PTPRQ: variants seen among roughly 807,000 people sequenced by gnomAD.
The protein encoded by PTPRQ is protein tyrosine phosphatase receptor type Q, also known as phosphatidylinositol phosphatase PTPRQ.
PTPRQ carries 199 observed loss-of-function variants against 246.0 expected under a neutral mutation model. That is an observed-to-expected ratio of 0.81 (90% CI 0.72 to 0.91). The LOEUF (loss-of-function observed/expected upper bound fraction) is 0.91. Ranked by LOEUF, PTPRQ falls within the 40% of genes least tolerant of loss-of-function variation. The probability of loss-of-function intolerance (pLI) is 0.00; values close to 1 mark genes in which losing one functional copy is unlikely to be tolerated. For synonymous variants in PTPRQ, 869 were observed against 853.2 expected (o/e 1.02, Z -0.32); for missense variants, 2,624 against 2,528.4 (o/e 1.04, Z -0.81).
At chr12:80,506,737 T>C (rs913119374) in intron 16 of PTPRQ, 67 bp downstream of exon 16, 2 of 1,407,864 alleles carry the variant, frequency 1.4e-6, no homozygotes, top group South Asian at 1.4e-5. Context: ...ACGTATAGAA[T>C]GAAACAATGT....
chr12:80,613,974 T>C, intron 29 of PTPRQ, 138 bp downstream of exon 29: 1 of 1,117,552 alleles, frequency 8.9e-7, no homozygotes, highest in East Asian at 3.1e-5. Context: ...TCAACAAAAA[T>C]AAATTTTGAG....
intron 6 of PTPRQ, among the ~76,000 whole-genome samples, chr12:80,468,019 T>G (rs1893495531): frequency 6.6e-6 from 1 of 151,796 alleles, no homozygotes. Context: ...ATAATAAAAT[T>G]TTTAAAACAA....
rs1356349262 is a variant in PTPRQ, at chr12:80,445,563, C to A, written c.236C>A (p.Pro79Gln). Residue 79 changes from proline (P) to glutamine (Q), a missense_variant, in exon 3 of 45, where the codon CCA (proline) becomes CAA (glutamine). By Grantham distance (76) the Pro-to-Gln change is moderately conservative (BLOSUM62 -1). Coordinates refer to ENST00000644991, the MANE Select transcript of PTPRQ (RefSeq NM_001145026.2). ...GGGATTCTTCTGTCTTGGAATACAC[C>A]ACCTAATCCAAATGGAAGGATTATA... is the stretch of plus-strand genomic sequence containing the variant. ...SAGILLSWNT[P>Q]PNPNGRIISY... 6.5e-7 allele frequency: 1 copy of A among 1,549,120 alleles called. No individual in the cohort carries two copies. The highest frequency in any genetic ancestry group is 8.7e-7 in the Non-Finnish European group (1 of 1,145,206).
intron 7 of PTPRQ, among the ~76,000 whole-genome samples, chr12:80,469,214 G>A (rs1893545549): frequency 6.6e-6 from 1 of 152,154 alleles, no homozygotes; most frequent in Non-Finnish European, 1.5e-5. Context: ...ACTGCTAGGA[G>A]CCTAGTTTTT....
intron 2 of PTPRQ, 134 bp downstream of exon 2, chr12:80,444,983 C>CA (rs1892509573): frequency 9.6e-7 from 1 of 1,040,800 alleles, no homozygotes; most frequent in Admixed American, 3.5e-5. Context: ...AAAATGGAAA[C>CA]AAGAAAGTGA....
chr12:80,444,993 A>T, intron 2 of PTPRQ, 144 bp downstream of exon 2: 1 of 950,974 alleles, frequency 1.1e-6, no homozygotes. Flanking sequence ...CAAGAAAGTG[A>T]TCTGCTTAGA....
rs1307079190 is a variant in PTPRQ, at chr12:80,679,248, T to C, written c.*225T>C. On this transcript the variant is annotated 3_prime_UTR_variant, in exon 45 of 45. Coordinates refer to ENST00000644991, the MANE Select transcript of PTPRQ (RefSeq NM_001145026.2). ...AATAAATATTATGCATTTTAAATGC[T>C]TAAGAAAAGACATCCCATATGTTTT... The C allele has an allele frequency of 2.4e-6, 1 of 416,158 alleles. No individual in the cohort carries two copies. The highest frequency in any genetic ancestry group is 2.1e-5 in the African/African-American group (1 of 48,736). The allele number at this position is 416,158 out of a possible 1,614,324, so 25.8% of individuals were successfully genotyped here.
intron 26 of PTPRQ, among the ~76,000 whole-genome samples, chr12:80,595,465 C>A (rs977154788): frequency 2.0e-4 from 30 of 152,002 alleles, no homozygotes; most frequent in African/African-American, 6.5e-4. Flanking sequence ...GCTTGTCTTT[C>A]AAATGCTTGC....
intron 3 of PTPRQ, among the ~76,000 whole-genome samples, chr12:80,451,155 T>C (rs563838258): frequency 6.6e-6 from 1 of 152,292 alleles, no homozygotes; most frequent in African/African-American, 2.4e-5. Flanking sequence ...GATTTTCTAG[T>C]TTATTTGCAT....
intron 38 of PTPRQ, among the ~76,000 whole-genome samples, chr12:80,656,132 A>C (rs1044247735): frequency 1.3e-5 from 2 of 152,136 alleles, no homozygotes; most frequent in African/African-American, 4.8e-5. Flanking sequence ...AGATCATATA[A>C]AATTCTATAT....
intron 17 of PTPRQ, chr12:80,525,839 G>A (rs376775714): frequency 3.2e-4 from 48 of 151,998 alleles, no homozygotes; most frequent in South Asian, 2.1e-3. Context: ...ATTATAATAC[G>A]TACTTGACCT....
At chr12:80,509,518 T>C (rs749136897) in intron 16 of PTPRQ, among the ~76,000 whole-genome samples, 1 of 152,108 alleles carries the variant, frequency 6.6e-6, no homozygotes, top group African/African-American at 2.4e-5. Context: ...TTTCCTTTTT[T>C]ACATGTAAAA....
chr12:80,549,320 A>G lies in PTPRQ; in HGVS notation c.4016-145A>G. Reference sequence around the variant, plus strand: ...CCTTTTGATTCTGTCTATGTTAATGACTTTTTAAGCACACATTGAAAATTT... The same window carrying G: ...CCTTTTGATTCTGTCTATGTTAATGGCTTTTTAAGCACACATTGAAAATTT... On this transcript the variant is annotated intron_variant, in intron 24 of 44. Coordinates refer to ENST00000644991, the MANE Select transcript of PTPRQ (RefSeq NM_001145026.2). 3.0e-6 allele frequency: 3 copies of G among 1,007,718 alleles called. No individual in the cohort carries two copies. In the South Asian group the frequency reaches 6.0e-5, roughly 20 times the overall value. The allele number at this position is 1,007,718 out of a possible 1,614,324, so 62.4% of individuals were successfully genotyped here. A position where few individuals can be genotyped will look rare whatever the true frequency, so the allele number is the denominator to read the frequency against.
chr12:80,622,587 G>A (rs1000461410), intron 33 of PTPRQ, among the ~76,000 whole-genome samples: 2 of 152,010 alleles, frequency 1.3e-5, no homozygotes, highest in African/African-American at 4.8e-5. Context: ...AAGCCCTAAT[G>A]TTGACTCCAT....
Position 80,669,238 on chromosome 12 carries a change from G to T in PTPRQ, c.6327+97G>T, listed in dbSNP as rs76070492. 4.2e-3 allele frequency: 6,340 copies of T among 1,527,354 alleles called. 232 individuals are homozygous for T. The African/African-American group carries it at 0.08, about 19-fold the overall frequency. 94.6% of individuals were successfully genotyped at this position (1,527,354 alleles called of 1,614,324 possible). On this transcript the variant is annotated intron_variant, in intron 40 of 44. Coordinates refer to ENST00000644991, the MANE Select transcript of PTPRQ (RefSeq NM_001145026.2). ...AATACTGTGAGTCATCAATAACCTG[G>T]ACATCTATAAAGTAATTTTAACTTA...
chr12:80,574,549 C>A (rs1214507964), intron 25 of PTPRQ, among the ~76,000 whole-genome samples: 2 of 151,532 alleles, frequency 1.3e-5, no homozygotes, highest in Admixed American at 6.6e-5. Flanking sequence ...TATTTTAATT[C>A]TTCTATTTGA....
intron 17 of PTPRQ, among the ~76,000 whole-genome samples, chr12:80,518,961 C>A (rs781270579): frequency 6.6e-6 from 1 of 152,010 alleles, no homozygotes; most frequent in Non-Finnish European, 1.5e-5. Flanking sequence ...TATTCTGGGT[C>A]TTTCATGGTT....
At chr12:80,598,661 A>G (rs949281482) in intron 26 of PTPRQ, among the ~76,000 whole-genome samples, 2 of 151,964 alleles carry the variant, frequency 1.3e-5, no homozygotes, top group Non-Finnish European at 2.9e-5. Context: ...CAGTCACTAG[A>G]AATCTGGTGG....
At chr12:80,619,100 T>C (rs1342834572) in intron 30 of PTPRQ, among the ~76,000 whole-genome samples, 1 of 151,376 alleles carries the variant, frequency 6.6e-6, no homozygotes, top group Non-Finnish European at 1.5e-5. Flanking sequence ...TATATATGAG[T>C]GAGAGCATGT....
Sources: allele counts gnomAD v4.1 joint callset (sites outside exome capture counted in the v4.1 genomes callset), GRCh38; gene constraint gnomAD v4.1.1; transcripts MANE v1.5; gene names NCBI Gene and HGNC (gene_info 2026-07-23, HGNC 2026-07-21).